The following ODAD2 variants were observed in gnomAD, a reference collection of about 807,000 sequenced individuals.
The protein encoded by ODAD2 is outer dynein arm docking complex subunit 2.
Under a neutral mutation model 106.8 loss-of-function variants are expected in ODAD2, and 89 were observed. The ratio of observed to expected loss-of-function variants is 0.83; its 90% confidence interval spans 0.70 to 0.99. The LOEUF (loss-of-function observed/expected upper bound fraction) is 0.99. Among genes scored for constraint, ODAD2 ranks in the 50% least tolerant of loss-of-function variants. The pLI, the probability that ODAD2 is intolerant of heterozygous loss-of-function variation, is 0.00. For synonymous variants in ODAD2, 404 were observed against 436.2 expected (o/e 0.93, Z 0.92); for missense variants, 1,168 against 1,238.5 (o/e 0.94, Z 0.85).
Position 27,860,741 on chromosome 10 carries a change from C to G in ODAD2, c.2905G>C (p.Val969Leu). ...FGEHKAVAPL[V>L]RYLKSNDTNV... Reference sequence around the variant, plus strand: ...GTGTCATTTGATTTCAGATAACGCACTAGTGGAGCCACTGCTTTGTGCTCA... The same window carrying G: ...GTGTCATTTGATTTCAGATAACGCAGTAGTGGAGCCACTGCTTTGTGCTCA... The change falls in exon 19 of 20, where the codon GTG becomes CTG. Residue 969 changes from valine to leucine, a missense_variant. This residue lies in a region of ODAD2 where 701 missense variants were observed against 712.3 expected (regional missense o/e 0.98). Coordinates refer to ENST00000305242, the MANE Select transcript of ODAD2 (RefSeq NM_018076.5). 1 of 1,614,188 alleles carries G rather than the reference C, an allele frequency of 6.2e-7. No individual in the cohort carries two copies. Among genetic ancestry groups the G allele is most frequent in the Non-Finnish European group, 8.5e-7 (1 of 1,180,018 alleles).
At chr10:27,827,324 T>G (rs1837123014) in intron 19 of ODAD2, among the ~76,000 whole-genome samples, 1 of 150,842 alleles carries the variant, frequency 6.6e-6, no homozygotes, top group South Asian at 2.1e-4. Context: ...TGCTCTCAAA[T>G]CTGTGTTTTT....
intron 6 of ODAD2, among the ~76,000 whole-genome samples, chr10:27,983,170 A>T (rs185581175): frequency 2.6e-5 from 4 of 152,314 alleles, no homozygotes; most frequent in African/African-American, 9.6e-5. Context: ...TCACGGTCCC[A>T]GAAACAGGCT....
chr10:27,885,737 T>TTATATATAAAA (rs1842129416), intron 17 of ODAD2, among the ~76,000 whole-genome samples: 1 of 47,486 alleles, frequency 2.1e-5, no homozygotes, highest in African/African-American at 8.1e-5. Context: ...ATAAAATATA[T>TTATATATAAAA]TATGTTATAT....
chr10:27,954,478 T>A (rs941608415), intron 10 of ODAD2, among the ~76,000 whole-genome samples: 12 of 136,978 alleles, frequency 8.8e-5, no homozygotes, highest in African/African-American at 3.2e-4. Flanking sequence ...ATAGCACACG[T>A]TCATGAATAA....
rs1429035477 is a variant in ODAD2, at chr10:27,936,939, T to C, written c.2098-59A>G. 2.0e-6 allele frequency: 3 copies of C among 1,523,674 alleles called. No individual in the cohort carries two copies. In the South Asian group the frequency reaches 3.9e-5, roughly 20 times the overall value. 94.4% of individuals were successfully genotyped at this position (1,523,674 alleles called of 1,614,324 possible). A position where few individuals can be genotyped will look rare whatever the true frequency, so the allele number is the denominator to read the frequency against. On this transcript the variant is annotated intron_variant, in intron 14 of 19. Transcript: ENST00000305242. ...TCAAGGAATATCAAGCTTTCAATGA[T>C]GCTAAAAAGGCTGCCATTCTAGTAG...
In ODAD2 at chr10:27,985,004, T is replaced by G; in HGVS notation, c.575+15A>C. On this transcript the variant is annotated intron_variant, in intron 4 of 19. Coordinates refer to ENST00000305242, the MANE Select transcript of ODAD2 (RefSeq NM_018076.5). ...GGCTCAATACAATAGAGGTTCCTTT[T>G]TGAAAAAGACTCACAATGAAATATG... 1 of 1,599,554 alleles carries G rather than the reference T, an allele frequency of 6.3e-7. No individual in the cohort carries two copies. Among genetic ancestry groups the G allele is most frequent in the Non-Finnish European group, 8.5e-7 (1 of 1,173,818 alleles).
At chr10:27,971,634 T>C (rs1268713951) in intron 7 of ODAD2, among the ~76,000 whole-genome samples, 1 of 152,164 alleles carries the variant, frequency 6.6e-6, no homozygotes, top group Non-Finnish European at 1.5e-5. Flanking sequence ...TTTAAATGGC[T>C]TGAACCAAAG....
At chr10:27,932,379 T>C (rs540197576) in intron 16 of ODAD2, among the ~76,000 whole-genome samples, 18 of 152,336 alleles carry the variant, frequency 1.2e-4, no homozygotes, top group African/African-American at 4.1e-4. Flanking sequence ...ACTGACTGCG[T>C]ATTTTTGCAC....
intron 19 of ODAD2, among the ~76,000 whole-genome samples, chr10:27,825,047 C>T (rs1823578663): frequency 1.3e-5 from 2 of 152,158 alleles, no homozygotes; most frequent in Non-Finnish European, 2.9e-5. Flanking sequence ...ACCTTATTTC[C>T]CACAGCCTCC....
chr10:27,845,963 C>T (rs59727990), intron 19 of ODAD2, among the ~76,000 whole-genome samples: 2,797 of 152,216 alleles, frequency 0.018, 101 homozygotes, highest in African/African-American at 0.063. Flanking sequence ...GGCTCCCACA[C>T]AATAATAATG....
chr10:27,870,137 G>T (rs1454367248), intron 17 of ODAD2, among the ~76,000 whole-genome samples: 1 of 152,024 alleles, frequency 6.6e-6, no homozygotes, highest in Non-Finnish European at 1.5e-5. Context: ...GGCTGTCAAT[G>T]TCTTAAAATC....
chr10:27,922,525 G>T (rs1040303148), intron 16 of ODAD2, among the ~76,000 whole-genome samples: 1 of 151,832 alleles, frequency 6.6e-6, no homozygotes, highest in Non-Finnish European at 1.5e-5. Context: ...GAAAAGGAAG[G>T]GAGAAAAAGA....
intron 19 of ODAD2, among the ~76,000 whole-genome samples, chr10:27,827,413 T>C (rs1837153240): frequency 7.6e-6 from 1 of 131,562 alleles, no homozygotes; most frequent in African/African-American, 3.1e-5. Context: ...ATATATATAT[T>C]CCATGTTTCT....
intron 16 of ODAD2, among the ~76,000 whole-genome samples, chr10:27,917,153 T>C (rs1268678814): frequency 6.6e-6 from 1 of 152,150 alleles, no homozygotes; most frequent in Admixed American, 6.6e-5. Context: ...TAAAGCCTAA[T>C]ATGAAAGAAC....
At chr10:27,986,753 C>G (rs926588439) in intron 3 of ODAD2, among the ~76,000 whole-genome samples, 2 of 152,168 alleles carry the variant, frequency 1.3e-5, no homozygotes, top group East Asian at 3.8e-4. Context: ...TTATAGCAGG[C>G]AACCACATTC....
At chr10:27,874,206 T>A (rs1203631472) in intron 17 of ODAD2, among the ~76,000 whole-genome samples, 2 of 152,224 alleles carry the variant, frequency 1.3e-5, no homozygotes, top group Non-Finnish European at 2.9e-5. Context: ...TCCATTTGCT[T>A]GGTAGATCTT....
chr10:27,874,237 G>T (rs536658757), intron 17 of ODAD2, among the ~76,000 whole-genome samples: 107 of 152,142 alleles, frequency 7.0e-4, no homozygotes, highest in Admixed American at 1.1e-3. Context: ...TTTATTTTGA[G>T]CCTATGTGTG....
At chr10:27,975,827 C>A (rs1408746248) in intron 7 of ODAD2, among the ~76,000 whole-genome samples, 5 of 151,872 alleles carry the variant, frequency 3.3e-5, no homozygotes, top group Admixed American at 2.6e-4. Flanking sequence ...ACTTCAATAC[C>A]AAAACCAGAC....
Position 27,985,269 on chromosome 10 carries a change from A to AGGATTTAT in ODAD2, c.383-59_383-58insATAAATCC, listed in dbSNP as rs766781029. 3.0e-3 allele frequency: 3,937 copies of AGGATTTAT among 1,326,210 alleles called. 20 individuals are homozygous for AGGATTTAT. Among genetic ancestry groups the AGGATTTAT allele is most frequent in the Middle Eastern group, 3.8e-3 (14 of 3,672 alleles). 82.2% of individuals were successfully genotyped at this position (1,326,210 alleles called of 1,614,324 possible). A position where few individuals can be genotyped will look rare whatever the true frequency, so the allele number is the denominator to read the frequency against. On this transcript the variant is annotated intron_variant, in intron 3 of 19. Transcript: ENST00000305242. ...AATTATCCACTTGTCTTCTAGTACA[A>AGGATTTAT]CAAACATTAAGACTAATAAATCCTT...
Sources: gnomAD v4.1 joint callset for allele counts (sites outside exome capture counted in the v4.1 genomes callset) on GRCh38, gnomAD v4.1.1 for gene constraint, gnomAD v4.1.1 regional missense constraint, MANE v1.5 for transcripts, NCBI Gene and HGNC (gene_info 2026-07-23, HGNC 2026-07-21) for gene names.